Variants in DRC5 observed in about 807,000 individuals in gnomAD.
The protein encoded by DRC5 is T-complex-associated testis-expressed protein 1.
the DRC5 span, chr6:44,285,934 G>T: frequency 1.3e-6 from 2 of 1,576,692 alleles, no homozygotes; most frequent in South Asian, 1.1e-5. Context: ...GCTGAGAAGG[G>T]GTGGGGGGAA....
the DRC5 span, chr6:44,287,495 A>T: frequency 1.3e-6 from 2 of 1,546,696 alleles, no homozygotes; most frequent in Admixed American, 3.5e-5. Flanking sequence ...GTCCCCACCC[A>T]CCTAGCCCCC....
At chr6:44,294,017 T>G in the DRC5 span, among the ~76,000 whole-genome samples, 1 of 152,176 alleles carries the variant, frequency 6.6e-6, no homozygotes, top group Admixed American at 6.5e-5. Flanking sequence ...AGTTTCGCTC[T>G]TGTTGCCCAG....
chr6:44,296,724 C>T, the DRC5 span, among the ~76,000 whole-genome samples: 2 of 149,550 alleles, frequency 1.3e-5, no homozygotes, highest in East Asian at 3.9e-4. Context: ...GCTGGCTTTG[C>T]ACCCACTGCT....
chr6:44,285,836 T>TA, the DRC5 span: 3 of 919,174 alleles, frequency 3.3e-6, no homozygotes, highest in South Asian at 1.7e-5. Context: ...CAGGGTGCAT[T>TA]AAAAAACACT....
At chr6:44,287,825 T>C in the DRC5 span, 4 of 1,612,078 alleles carry the variant, frequency 2.5e-6, no homozygotes, top group East Asian at 8.9e-5. Context: ...GTATCCTGCA[T>C]GCTGGAGGCT....
At chr6:44,282,942 A>G in the DRC5 span, among the ~76,000 whole-genome samples, 1 of 151,352 alleles carries the variant, frequency 6.6e-6, no homozygotes, top group African/African-American at 2.4e-5. Flanking sequence ...AGCTGAGACT[A>G]CAAGTGCCCG....
the DRC5 span, among the ~76,000 whole-genome samples, chr6:44,296,984 C>G: frequency 2.0e-5 from 3 of 152,284 alleles, no homozygotes; most frequent in African/African-American, 7.2e-5. Flanking sequence ...GTTCACTTAC[C>G]ACAGCCCCTG....
At chr6:44,282,455 G>T in the DRC5 span, 2 of 1,613,172 alleles carry the variant, frequency 1.2e-6, no homozygotes, top group East Asian at 2.2e-5. Flanking sequence ...CTCCAATGAG[G>T]TTTTGTGACA....
chr6:44,282,322 T>C, the DRC5 span: 1 of 1,614,128 alleles, frequency 6.2e-7, no homozygotes, highest in African/African-American at 1.3e-5. Flanking sequence ...ATGAGGTTGG[T>C]GTTGTGTGCC....
At chr6:44,280,133 G>A in the DRC5 span, 4 of 1,523,478 alleles carry the variant, frequency 2.6e-6, no homozygotes, top group Non-Finnish European at 3.6e-6. Flanking sequence ...CATGGCAGGG[G>A]TATGAAATGA....
At chr6:44,296,317 A>C in the DRC5 span, among the ~76,000 whole-genome samples, 1 of 152,182 alleles carries the variant, frequency 6.6e-6, no homozygotes, top group Admixed American at 6.5e-5. Flanking sequence ...TGCTGACCTA[A>C]ATAGTCCAGG....
the DRC5 span, chr6:44,286,634 G>C: frequency 9.8e-7 from 1 of 1,023,808 alleles, no homozygotes; most frequent in Non-Finnish European, 1.4e-6. Context: ...GCAAAGGAGA[G>C]ACCCTTCCCT....
At chr6:44,291,233 A>G in the DRC5 span, among the ~76,000 whole-genome samples, 4 of 152,230 alleles carry the variant, frequency 2.6e-5, no homozygotes, top group Admixed American at 2.0e-4. Context: ...ATAAGATCAG[A>G]GTTGATAATT....
chr6:44,294,756 G>C, the DRC5 span, among the ~76,000 whole-genome samples: 3 of 112,242 alleles, frequency 2.7e-5, no homozygotes, highest in African/African-American at 1.0e-4. Context: ...TGGGCAATGA[G>C]AGCAAAACTC....
chr6:44,289,878 A>G, the DRC5 span, among the ~76,000 whole-genome samples: 1 of 152,248 alleles, frequency 6.6e-6, no homozygotes, highest in South Asian at 2.1e-4. Context: ...TTCCCATCAG[A>G]TGTGCACCCT....
chr6:44,289,892 G>T, the DRC5 span, among the ~76,000 whole-genome samples: 1 of 152,296 alleles, frequency 6.6e-6, no homozygotes, highest in South Asian at 2.1e-4. Flanking sequence ...GCACCCTCAC[G>T]ACTCAGTGCA....
chr6:44,288,778 G>A, the DRC5 span, among the ~76,000 whole-genome samples: 2 of 152,010 alleles, frequency 1.3e-5, no homozygotes, highest in African/African-American at 2.4e-5. Flanking sequence ...TGGGTCCCTT[G>A]AGGTCAGGAG....
chr6:44,283,356 C>T, the DRC5 span, among the ~76,000 whole-genome samples: 2 of 151,642 alleles, frequency 1.3e-5, no homozygotes, highest in Non-Finnish European at 2.9e-5. Context: ...GGGCAAGAAC[C>T]AGGGAGACAG....
At chr6:44,285,812 C>A in the DRC5 span, 2 of 728,082 alleles carry the variant, frequency 2.7e-6, no homozygotes, top group African/African-American at 1.8e-5. Flanking sequence ...CCCCCAGAAC[C>A]GTGTATCTTG....
Sources: allele counts gnomAD v4.1 joint callset (sites outside exome capture counted in the v4.1 genomes callset), GRCh38; gene constraint gnomAD v4.1.1; transcripts MANE v1.5; gene names NCBI Gene and HGNC (gene_info 2026-07-23, HGNC 2026-07-21).